LINC00237: variants seen among roughly 807,000 people sequenced by gnomAD.
The protein encoded by LINC00237 is long intergenic non-protein coding RNA 237.
intron 1 of LINC00237, among the ~76,000 whole-genome samples, chr20:21,096,081 A>G (rs116549063): frequency 0.011 from 1,669 of 152,248 alleles, 29 homozygotes; most frequent in African/African-American, 0.038. Context: ...TCCAGAGATC[A>G]CCTTTCGGTA....
At chr20:21,088,430 G>A (rs1007471432) in intron 2 of LINC00237, among the ~76,000 whole-genome samples, 1 of 152,094 alleles carries the variant, frequency 6.6e-6, no homozygotes, top group Non-Finnish European at 1.5e-5. Context: ...CCACACAAAC[G>A]CTATACTATT....
At chr20:21,086,473 G>A (rs564201008) in intron 3 of LINC00237, among the ~76,000 whole-genome samples, 24 of 147,930 alleles carry the variant, frequency 1.6e-4, no homozygotes, top group Non-Finnish European at 3.1e-4. Context: ...ATCTATATAC[G>A]TATAGATATG....
intron 1 of LINC00237, among the ~76,000 whole-genome samples, chr20:21,096,918 C>T (rs1025471328): frequency 2.6e-5 from 4 of 152,218 alleles, no homozygotes; most frequent in African/African-American, 7.2e-5. Context: ...TTTTTAGATG[C>T]ACCTGTTACT....
chr20:21,086,629 AG>A (rs2030701516), intron 3 of LINC00237, among the ~76,000 whole-genome samples: 3 of 133,458 alleles, frequency 2.2e-5, no homozygotes, highest in Admixed American at 7.5e-5. Flanking sequence ...TACTATATAT[AG>A]TATACTATAT....
At chr20:21,086,664 A>T (rs1304169881) in intron 3 of LINC00237, among the ~76,000 whole-genome samples, 2,881 of 124,764 alleles carry the variant, frequency 0.023, 125 homozygotes, top group African/African-American at 0.081. Flanking sequence ...TATGTATAGT[A>T]TACTATATAT....
Position 21,101,083 on chromosome 20 carries a change from G to A in LINC00237, n.88+5188C>T, listed in dbSNP as rs1340770033. Among the ~76,000 whole-genome samples, 2 of 152,190 alleles carry A rather than the reference G, an allele frequency of 1.3e-5. No individual in the cohort carries two copies. The highest frequency in any genetic ancestry group is 4.8e-5 in the African/African-American group (2 of 41,434). On this transcript the variant is annotated intron_variant and non_coding_transcript_variant, in intron 1 of 3. Transcript: ENST00000691244. The surrounding 1 kb of genome is among the most constrained non-coding windows in gnomAD (Gnocchi z 4.3). ...GAGAGCCGCTGAATGGGCGTGATTA[G>A]CATGTGAAAAGGCGAGCAAAACTCC...
At chr20:21,102,852 G>C (rs945993202) in intron 1 of LINC00237, among the ~76,000 whole-genome samples, 2 of 152,180 alleles carry the variant, frequency 1.3e-5, no homozygotes, top group Non-Finnish European at 2.9e-5. Context: ...TGTGGTGATG[G>C]GTGTGCAGCG....
intron 1 of LINC00237, among the ~76,000 whole-genome samples, chr20:21,100,629 C>T (rs1157806061): frequency 2.0e-5 from 3 of 152,168 alleles, no homozygotes; most frequent in Non-Finnish European, 2.9e-5. Flanking sequence ...AACCAAACCA[C>T]TATGCTGTGC....
At chr20:21,094,495 C>G (rs375511107) in intron 1 of LINC00237, among the ~76,000 whole-genome samples, 16 of 152,232 alleles carry the variant, frequency 1.1e-4, no homozygotes, top group African/African-American at 3.6e-4. Flanking sequence ...GGAAGACCCC[C>G]GTGGACTAGC....
chr20:21,093,015 G>A (rs1468474182), intron 2 of LINC00237: 1 of 152,136 alleles, frequency 6.6e-6, no homozygotes, highest in East Asian at 1.9e-4. Context: ...GGCAGAGGCA[G>A]AATTAAAACC....
At chr20:21,085,836 CTG>C (rs35901480) in exon 4 of LINC00237, among the ~76,000 whole-genome samples, 5,905 of 152,248 alleles carry the variant, frequency 0.039, 329 homozygotes, top group African/African-American at 0.12. Context: ...TCTGAAGAGT[CTG>C]TGATTTTAGC....
At chr20:21,104,716 A>T (rs1387597217) in intron 1 of LINC00237, among the ~76,000 whole-genome samples, 5 of 152,072 alleles carry the variant, frequency 3.3e-5, no homozygotes, top group African/African-American at 1.2e-4. Flanking sequence ...ATCCTCTGCT[A>T]ATTTGGGGCA....
intron 1 of LINC00237, among the ~76,000 whole-genome samples, chr20:21,103,755 G>C (rs1423114485): frequency 6.6e-6 from 1 of 152,172 alleles, no homozygotes; most frequent in East Asian, 1.9e-4. Context: ...GACAGGAAAA[G>C]GTAGCACCGC....
intron 2 of LINC00237, among the ~76,000 whole-genome samples, chr20:21,092,089 AC>A (rs1330028794): frequency 6.6e-6 from 1 of 152,222 alleles, no homozygotes; most frequent in African/African-American, 2.4e-5. Flanking sequence ...GGGTGCTTCA[AC>A]TCAATTAAAG....
At chr20:21,100,351 T>C (rs1200813672) in intron 1 of LINC00237, among the ~76,000 whole-genome samples, 9 of 152,204 alleles carry the variant, frequency 5.9e-5, no homozygotes, top group Non-Finnish European at 1.5e-5. Context: ...CATTGGCTTG[T>C]AGACGGACGC....
chr20:21,104,587 G>A lies in LINC00237; in HGVS notation n.88+1684C>T, dbSNP rs148563682. Among the ~76,000 whole-genome samples the A allele has an allele frequency of 6.6e-3, 1,003 of 152,328 alleles. 6 individuals are homozygous for A. Among genetic ancestry groups the A allele is most frequent in the South Asian group, 0.02 (96 of 4,834 alleles). The stretch of plus-strand genomic sequence containing the variant: ...TGCAGCCGCTGGGGGCCCAGGACGC[G>A]GGGCAGCTTCGGAGCACTTCTCCTC... On this transcript the variant is annotated intron_variant and non_coding_transcript_variant, in intron 1 of 3. Transcript: ENST00000691244.
intron 1 of LINC00237, among the ~76,000 whole-genome samples, chr20:21,094,508 G>A (rs2122174179): frequency 1.3e-5 from 2 of 152,316 alleles, no homozygotes; most frequent in Middle Eastern, 6.8e-3. Flanking sequence ...GGACTAGCAT[G>A]ATGGGAAAGA....
intron 1 of LINC00237, among the ~76,000 whole-genome samples, chr20:21,102,747 C>T (rs547677618): frequency 1.4e-3 from 211 of 151,858 alleles, no homozygotes; most frequent in Non-Finnish European, 2.3e-3. Context: ...GGATGGCCCC[C>T]ACTGAGCGGA....
At position 21,099,713 on chromosome 20, in the gene LINC00237, T is replaced by C. The variant is rs2030905987; in HGVS notation, n.89-5861A>G. Among the ~76,000 whole-genome samples the C allele has an allele frequency of 2.6e-5, 4 of 152,350 alleles. No individual in the cohort carries two copies. The South Asian group carries it at 8.3e-4, about 32-fold the overall frequency. ...ATTACTTAATGATAATTACTTATTTTACACGTTGTCGTCTGCTGATGTTTA... is the reference window on the plus strand; with the variant it reads ...ATTACTTAATGATAATTACTTATTTCACACGTTGTCGTCTGCTGATGTTTA... On this transcript the variant is annotated intron_variant and non_coding_transcript_variant, in intron 1 of 3. Coordinates refer to ENST00000691244, the Ensembl canonical transcript of LINC00237.
Sources: allele counts gnomAD v4.1 joint callset (sites outside exome capture counted in the v4.1 genomes callset), GRCh38; gene constraint gnomAD v4.1.1; non-coding constraint Gnocchi (gnomAD v3.1); transcripts MANE v1.5; gene names NCBI Gene and HGNC (gene_info 2026-07-23, HGNC 2026-07-21).